The following WDR33 variants were observed in gnomAD, a reference collection of about 807,000 sequenced individuals.
WDR33 encodes WD repeat domain 33.
A neutral mutation model predicts 164.9 loss-of-function variants in WDR33; 47 were observed. The observed-to-expected ratio is 0.29, with a 90% CI of 0.23 to 0.36. The LOEUF is 0.36. Ranked by LOEUF, WDR33 falls within the 10% of genes least tolerant of loss-of-function variation. The pLI, the probability that WDR33 is intolerant of heterozygous loss-of-function variation, is 1.00. For missense variants in WDR33, 1,137 were observed against 1,754.1 expected (o/e 0.65, Z 6.28); for synonymous variants, 505 against 589.0 (o/e 0.86, Z 2.06).
rs572857105 is a variant in WDR33, at chr2:127,750,517, C to G, written c.724+12545G>C. Among the ~76,000 whole-genome samples, 4 of 149,856 alleles carry G rather than the reference C, an allele frequency of 2.7e-5. No homozygotes were observed. The East Asian group carries it at 8.0e-4, about 30-fold the overall frequency. On this transcript the variant is annotated intron_variant, in intron 7 of 21. Transcript: ENST00000322313. ...CAAAAATTAGCCAGGCATGGTGGCA[C>G]GTGCCTATAATCCCAGCTACCCGAG...
intron 7 of WDR33, among the ~76,000 whole-genome samples, chr2:127,748,443 G>A (rs540453375): frequency 1.2e-4 from 19 of 152,186 alleles, no homozygotes; most frequent in Non-Finnish European, 2.8e-4. Flanking sequence ...AATTCACAGG[G>A]AGGGCAGCTT....
At chr2:127,775,866 G>C (rs529132591) in intron 1 of WDR33, among the ~76,000 whole-genome samples, 1 of 149,712 alleles carries the variant, frequency 6.7e-6, no homozygotes, top group Non-Finnish European at 1.5e-5. Flanking sequence ...TGAAGAAAAC[G>C]AGAAAAAAAA....
chr2:127,702,590 C>T lies in WDR33; in HGVS notation c.*3733G>A, dbSNP rs1302317206. The T allele has an allele frequency of 6.0e-6, 1 of 167,872 alleles. No individual in the cohort carries two copies. Among genetic ancestry groups the T allele is most frequent in the African/African-American group, 2.4e-5 (1 of 41,482 alleles). 10.4% of individuals were successfully genotyped at this position (167,872 alleles called of 1,614,324 possible). On this transcript the variant is annotated 3_prime_UTR_variant, in exon 22 of 22. Coordinates refer to ENST00000322313, the MANE Select transcript of WDR33 (RefSeq NM_018383.5). Reference sequence around the variant, plus strand: ...TCCAGTGGTAGATGTAGCTTAGCGACGGTAGTTTTTTGTTTTGGCTATACT... The same window carrying T: ...TCCAGTGGTAGATGTAGCTTAGCGATGGTAGTTTTTTGTTTTGGCTATACT...
rs567236053 is a variant in WDR33, at chr2:127,782,162, T to C, written c.-23-11158A>G. On this transcript the variant is annotated intron_variant, in intron 1 of 21. Coordinates refer to ENST00000322313, the MANE Select transcript of WDR33 (RefSeq NM_018383.5). ...TGGCTCATGCCTGTCATCCCAGCAC[T>C]TCAGGAGACCAAGGCAGGAGGGTCA... 2.6e-5 allele frequency among the ~76,000 whole-genome samples: 4 copies of C among 152,256 alleles called. No homozygotes were observed. The East Asian group carries it at 5.8e-4, about 22-fold the overall frequency.
At position 127,703,408 on chromosome 2, in the gene WDR33, A is replaced by G. The variant is rs1685939719; in HGVS notation, c.*2915T>C. The G allele has an allele frequency of 6.0e-6, 1 of 167,070 alleles. No homozygotes were observed. Among genetic ancestry groups the G allele is most frequent in the South Asian group, 2.1e-4 (1 of 4,826 alleles). The allele number at this position is 167,070 out of a possible 1,614,324, so 10.3% of individuals were successfully genotyped here. On this transcript the variant is annotated 3_prime_UTR_variant, in exon 22 of 22. Transcript: ENST00000322313. ...TAATGCTTTTCCTGAGCTGGATCCC[A>G]GTGTTGCCTTAACAGGGTGTCTGTC...
At chr2:127,780,932 C>T (rs1481007521) in intron 1 of WDR33, among the ~76,000 whole-genome samples, 1 of 152,192 alleles carries the variant, frequency 6.6e-6, no homozygotes, top group East Asian at 1.9e-4. Context: ...ACCATCTCAG[C>T]TCACTACAAC....
chr2:127,742,880 A>G (rs1435259939), intron 7 of WDR33, among the ~76,000 whole-genome samples: 1 of 151,790 alleles, frequency 6.6e-6, no homozygotes, highest in East Asian at 1.9e-4. Context: ...AAAACAAAAA[A>G]AAACACCCCT....
Position 127,701,794 on chromosome 2 carries a change from T to G in WDR33, c.*4529A>C. On this transcript the variant is annotated 3_prime_UTR_variant, in exon 22 of 22. Transcript: ENST00000322313. ...GGCGGGTGCCTGCTGCTGGCTGCAC[T>G]GTGTTTCGGCCTAGCCGCGCTCTAC... The G allele has an allele frequency of 6.9e-7, 1 of 1,451,202 alleles. No homozygotes were observed. The highest frequency in any genetic ancestry group is 2.5e-5 in the Admixed American group (1 of 40,474). The allele number at this position is 1,451,202 out of a possible 1,614,324, so 89.9% of individuals were successfully genotyped here. A position where few individuals can be genotyped will look rare whatever the true frequency, so the allele number is the denominator to read the frequency against.
intron 7 of WDR33, among the ~76,000 whole-genome samples, chr2:127,755,602 A>G (rs1573919936): frequency 6.6e-6 from 1 of 152,204 alleles, no homozygotes; most frequent in Non-Finnish European, 1.5e-5. Context: ...GCGTGCATGC[A>G]TGTGTGCGTA....
chr2:127,752,596 C>CAAAAA (rs34369142), intron 7 of WDR33, among the ~76,000 whole-genome samples: 58 of 76,512 alleles, frequency 7.6e-4, no homozygotes, highest in East Asian at 1.4e-3. Flanking sequence ...GACTCCGTCT[C>CAAAAA]AAAAAAAAAA....
Position 127,780,325 on chromosome 2 carries a change from G to T in WDR33, c.-23-9321C>A, listed in dbSNP as rs562828714. ...AACCTCAGCCTGGAAACCTGTTTTA[G>T]ATTATTTATGTATAGTCCACTAGGT... On this transcript the variant is annotated intron_variant, in intron 1 of 21. Transcript: ENST00000322313. 2.6e-3 allele frequency among the ~76,000 whole-genome samples: 400 copies of T among 152,244 alleles called. 2 individuals carry two copies. Among genetic ancestry groups the T allele is most frequent in the African/African-American group, 9.3e-3 (386 of 41,532 alleles).
At chr2:127,809,031 C>T (rs1276156298) in intron 1 of WDR33, among the ~76,000 whole-genome samples, 1 of 84,932 alleles carries the variant, frequency 1.2e-5, no homozygotes, top group Non-Finnish European at 2.3e-5. Flanking sequence ...ACTCTTGTCT[C>T]AAAAAAAAAA....
At chr2:127,761,008 C>T (rs903855952) in intron 7 of WDR33, among the ~76,000 whole-genome samples, 1 of 152,190 alleles carries the variant, frequency 6.6e-6, no homozygotes, top group African/African-American at 2.4e-5. Context: ...ATCCCCTGCA[C>T]ACTCTAAATT....
Position 127,702,044 on chromosome 2 carries a change from C to T in WDR33, c.*4279G>A, listed in dbSNP as rs1388482260. The T allele has an allele frequency of 1.1e-5, 13 of 1,232,482 alleles. No homozygotes were observed. Among genetic ancestry groups the T allele is most frequent in the Admixed American group, 4.3e-5 (1 of 23,358 alleles). The allele number at this position is 1,232,482 out of a possible 1,614,324, so 76.3% of individuals were successfully genotyped here. On this transcript the variant is annotated 3_prime_UTR_variant, in exon 22 of 22. Coordinates refer to ENST00000322313, the MANE Select transcript of WDR33 (RefSeq NM_018383.5). ...GCAGCACGCTGCTCACGGTGCTGGG[C>T]GCGGGCGCGCAGGTGGCCGCGCTGC...
At chr2:127,766,155 T>G (rs1408728345) in intron 4 of WDR33, among the ~76,000 whole-genome samples, 1 of 152,098 alleles carries the variant, frequency 6.6e-6, no homozygotes, top group Non-Finnish European at 1.5e-5. Context: ...TCAAATTTTT[T>G]GTTTTTACTT....
At chr2:127,794,952 A>G (rs1345508892) in intron 1 of WDR33, among the ~76,000 whole-genome samples, 1 of 151,864 alleles carries the variant, frequency 6.6e-6, no homozygotes, top group African/African-American at 2.4e-5. Flanking sequence ...TGAGCCCAGT[A>G]GTTCAAGTCC....
chr2:127,701,506 T>A lies in WDR33; in HGVS notation c.*4817A>T. 1.6e-6 allele frequency: 2 copies of A among 1,285,612 alleles called. No individual in the cohort carries two copies. Among genetic ancestry groups the A allele is most frequent in the Non-Finnish European group, 2.0e-6 (2 of 1,012,908 alleles). The allele number at this position is 1,285,612 out of a possible 1,614,324, so 79.6% of individuals were successfully genotyped here. On this transcript the variant is annotated 3_prime_UTR_variant, in exon 22 of 22. Transcript: ENST00000322313. ...GCCGGAAGTGAGCCGCAGCTTTTCC[T>A]TTCTGCCACCGCCTTGTCCAAGATG...
chr2:127,769,039 A>AAATAAATC lies in WDR33; in HGVS notation c.205-39_205-38insGATTTATT, dbSNP rs200939041. 128 of 1,191,388 alleles carry AAATAAATC rather than the reference A, an allele frequency of 1.1e-4. 1 individual carries two copies. Among genetic ancestry groups the AAATAAATC allele is most frequent in the Middle Eastern group, 3.0e-4 (1 of 3,316 alleles). 73.8% of individuals were successfully genotyped at this position (1,191,388 alleles called of 1,614,324 possible). ...TAAATAAATAAATAAATAAATAAATAGATCAATTAATGACTATATGGTCTG... is the reference window on the plus strand; with the variant it reads ...TAAATAAATAAATAAATAAATAAATAAATAAATCGATCAATTAATGACTATATGGTCTG... On this transcript the variant is annotated intron_variant, in intron 2 of 21. Coordinates refer to ENST00000322313, the MANE Select transcript of WDR33 (RefSeq NM_018383.5).
rs145568991 is a variant in WDR33, at chr2:127,709,754, A to G, written c.3411T>C (p.Asp1137=). 6.3e-5 allele frequency: 102 copies of G among 1,614,236 alleles called. 1 individual carries two copies. Among genetic ancestry groups the G allele is most frequent in the African/African-American group, 5.9e-4 (44 of 75,060 alleles). The part of the protein sequence containing the change: ...PEDFGPEENF[D]ASEEAARGRD... ...GTCCTCGGGCCGCTTCCTCAGAAGC[A>G]TCAAAATTCTCCTCTGGACCAAAGT... The change falls in exon 19 of 22, where the codon GAT becomes GAC. Residue 1137 remains aspartate (D), a synonymous_variant. Coordinates refer to ENST00000322313, the MANE Select transcript of WDR33 (RefSeq NM_018383.5). The surrounding 1 kb of genome is among the most constrained non-coding windows in gnomAD (Gnocchi z 5.0).
Sources: allele counts gnomAD v4.1 joint callset (sites outside exome capture counted in the v4.1 genomes callset), GRCh38; gene constraint gnomAD v4.1.1; non-coding constraint Gnocchi (gnomAD v3.1); transcripts MANE v1.5; gene names NCBI Gene and HGNC (gene_info 2026-07-23, HGNC 2026-07-21).